Variants in MYT1L observed in about 807,000 individuals in gnomAD.
MYT1L encodes the protein myelin transcription factor 1-like protein.
In MYT1L, 12 loss-of-function variants were observed where a neutral mutation model predicts 126.7. The observed-to-expected ratio is 0.09, with a 90% confidence interval of 0.06 to 0.15. The LOEUF is 0.15. Among genes scored for constraint, MYT1L ranks in the 10% least tolerant of loss-of-function variants. MYT1L has a pLI of 1.00. For synonymous variants in MYT1L, 541 were observed against 604.2 expected (o/e 0.90, Z 1.53); for missense variants, 979 against 1,585.2 (o/e 0.62, Z 6.49).
At chr2:2,188,123 TACAC>T (rs771739904) in intron 2 of MYT1L, among the ~76,000 whole-genome samples, 10 of 152,164 alleles carry the variant, frequency 6.6e-5, no homozygotes, top group Non-Finnish European at 1.3e-4. Flanking sequence ...TACTAAAAAT[TACAC>T]ACACAAATGC....
intron 2 of MYT1L, among the ~76,000 whole-genome samples, chr2:2,261,407 A>G (rs1375455604): frequency 6.6e-6 from 1 of 152,224 alleles, no homozygotes; most frequent in Non-Finnish European, 1.5e-5. Context: ...TCATCTGCTA[A>G]TGTTAAATAG....
At chr2:2,109,883 AT>A (rs2079189435) in intron 3 of MYT1L, among the ~76,000 whole-genome samples, 1 of 53,032 alleles carries the variant, frequency 1.9e-5, no homozygotes, top group Non-Finnish European at 4.2e-5. Flanking sequence ...TTTTATATAT[AT>A]ATATATATAT....
chr2:2,164,741 C>T (rs1373162194), intron 3 of MYT1L, among the ~76,000 whole-genome samples: 2 of 152,218 alleles, frequency 1.3e-5, no homozygotes, highest in Non-Finnish European at 2.9e-5. Flanking sequence ...GTGCTGTCAA[C>T]AGACGATAGA....
At chr2:1,937,231 A>G (rs1461725167) in intron 9 of MYT1L, among the ~76,000 whole-genome samples, 3 of 152,226 alleles carry the variant, frequency 2.0e-5, no homozygotes, top group Non-Finnish European at 4.4e-5. Context: ...ACTCTGCCTC[A>G]GGGCGGCCTC....
intron 5 of MYT1L, among the ~76,000 whole-genome samples, chr2:1,989,921 C>G (rs1447566192): frequency 6.6e-6 from 1 of 152,124 alleles, no homozygotes; most frequent in Non-Finnish European, 1.5e-5. Context: ...TTGCTTAAAC[C>G]TGGGAGGCGG....
chr2:2,200,627 G>A (rs2093027262), intron 2 of MYT1L, among the ~76,000 whole-genome samples: 1 of 152,230 alleles, frequency 6.6e-6, no homozygotes, highest in South Asian at 2.1e-4. Flanking sequence ...AGGTGGACAT[G>A]GGCCATGGGT....
chr2:2,207,089 A>T (rs921273240), intron 2 of MYT1L, among the ~76,000 whole-genome samples: 1 of 152,234 alleles, frequency 6.6e-6, no homozygotes, highest in Non-Finnish European at 1.5e-5. Context: ...AACACACATA[A>T]AACAAGATAA....
At chr2:1,900,801 C>G (rs1212529077) in intron 14 of MYT1L, among the ~76,000 whole-genome samples, 1 of 152,150 alleles carries the variant, frequency 6.6e-6, no homozygotes, top group Non-Finnish European at 1.5e-5. Context: ...TCCTGAAGCC[C>G]TAACATTCAG....
chr2:2,167,701 A>C (rs1208489912), intron 3 of MYT1L, among the ~76,000 whole-genome samples: 2 of 152,176 alleles, frequency 1.3e-5, no homozygotes, highest in African/African-American at 4.8e-5. Context: ...CCAGCCTGGG[A>C]GGTAACTCTC....
intron 2 of MYT1L, among the ~76,000 whole-genome samples, chr2:2,243,001 G>T (rs2094467204): frequency 6.6e-6 from 1 of 152,114 alleles, no homozygotes; most frequent in Non-Finnish European, 1.5e-5. Flanking sequence ...AAGGGTGCAG[G>T]GTTCAGGAAG....
In MYT1L at chr2:1,922,229, A is replaced by G; in HGVS notation, c.1483+57T>C. 1 of 1,576,660 alleles carries G rather than the reference A, an allele frequency of 6.3e-7. No individual in the cohort carries two copies. Among genetic ancestry groups the G allele is most frequent in the Non-Finnish European group, 8.6e-7 (1 of 1,159,678 alleles). ...ACTTTAACTGTAGACTACCACCAAC[A>G]TCCTTTACCCTAGCTCATGTTTTCA... On this transcript the variant is annotated intron_variant, in intron 10 of 24. Transcript: ENST00000647738. The surrounding 1 kb of genome is among the most constrained non-coding windows in gnomAD (Gnocchi z 7.4).
intron 4 of MYT1L, among the ~76,000 whole-genome samples, chr2:2,006,713 C>T (rs1228336467): frequency 6.6e-6 from 1 of 151,982 alleles, no homozygotes; most frequent in Non-Finnish European, 1.5e-5. Flanking sequence ...GTAGCTGAGA[C>T]TACAAATGCA....
rs1463997304 is a variant in MYT1L at position 1,790,767 on chromosome 2, A to G, written c.*1100T>C. On this transcript the variant is annotated 3_prime_UTR_variant, in exon 25 of 25. Transcript: ENST00000647738. ...GCAGAAAACTCGGTCCAGTAACTAG[A>G]AGACTCACAAATCATTTGCCTTTAT... 1 of 156,112 alleles carries G rather than the reference A, an allele frequency of 6.4e-6. No homozygotes were observed. The highest frequency in any genetic ancestry group is 2.4e-5 in the African/African-American group (1 of 41,464). The allele number at this position is 156,112 out of a possible 1,614,324, so 9.7% of individuals were successfully genotyped here.
At chr2:1,831,924 C>A (rs779659108) in intron 21 of MYT1L, among the ~76,000 whole-genome samples, 7 of 152,112 alleles carry the variant, frequency 4.6e-5, no homozygotes, top group Non-Finnish European at 1.0e-4. Context: ...CCGATTCCTA[C>A]GCGGCTCTCC....
chr2:2,214,468 C>A (rs1011388887), intron 2 of MYT1L, among the ~76,000 whole-genome samples: 5 of 151,582 alleles, frequency 3.3e-5, no homozygotes, highest in Admixed American at 2.0e-4. Context: ...AGCTTAAAGG[C>A]AGATAATAGG....
intron 2 of MYT1L, among the ~76,000 whole-genome samples, chr2:2,247,719 T>C (rs1395164001): frequency 5.3e-5 from 8 of 152,130 alleles, no homozygotes; most frequent in Non-Finnish European, 1.0e-4. Flanking sequence ...ATTATTAACA[T>C]GAATAATTTT....
At chr2:2,191,797 C>T (rs1559291901) in intron 2 of MYT1L, among the ~76,000 whole-genome samples, 1 of 152,234 alleles carries the variant, frequency 6.6e-6, no homozygotes, top group Non-Finnish European at 1.5e-5. Flanking sequence ...CATTTCTCAT[C>T]CTTTTAAGCA....
intron 3 of MYT1L, among the ~76,000 whole-genome samples, chr2:2,150,513 C>T (rs2085584570): frequency 6.6e-6 from 1 of 152,178 alleles, no homozygotes. Flanking sequence ...AGCAGTCTCT[C>T]TCTTCATCCT....
intron 1 of MYT1L, among the ~76,000 whole-genome samples, chr2:2,290,247 G>A (rs1312335476): frequency 2.0e-5 from 3 of 152,170 alleles, no homozygotes; most frequent in Non-Finnish European, 2.9e-5. Context: ...TGGAGCAAAC[G>A]TTTATCTGCA....
Sources: allele counts gnomAD v4.1 joint callset (sites outside exome capture counted in the v4.1 genomes callset), GRCh38; gene constraint gnomAD v4.1.1; non-coding constraint Gnocchi (gnomAD v3.1); transcripts MANE v1.5; gene names NCBI Gene and HGNC (gene_info 2026-07-23, HGNC 2026-07-21).